NEURL1B: variants seen among roughly 807,000 people sequenced by gnomAD.
The protein encoded by NEURL1B is neuralized E3 ubiquitin protein ligase 1B.
Under a neutral mutation model 37.4 loss-of-function variants are expected in NEURL1B, and 13 were observed. The observed-to-expected ratio is 0.35, with a 90% CI of 0.23 to 0.55. NEURL1B has a LOEUF of 0.55. Ranked by LOEUF, NEURL1B falls within the 20% of genes least tolerant of loss-of-function variation. NEURL1B has a pLI of 0.89. For missense variants in NEURL1B, 790 were observed against 879.2 expected (o/e 0.90, Z 1.28); for synonymous variants, 432 against 426.6 (o/e 1.01, Z -0.16).
intron 1 of NEURL1B, 30 bp from the exon 2 acceptor site, chr5:172,669,755 C>T: frequency 1.6e-6 from 2 of 1,241,724 alleles, no homozygotes; most frequent in Non-Finnish European, 1.0e-6. Context: ...TCGGAGGAGG[C>T]CTAACCGTGC....
Position 172,641,333 on chromosome 5 carries a change from G to A in NEURL1B, c.-74G>A, listed in dbSNP as rs1757453994. On this transcript the variant is annotated 5_prime_UTR_variant, in exon 1 of 5. Transcript: ENST00000369800. This position sits in a 1 kb window ranked among gnomAD's most constrained non-coding sequence, Gnocchi z 6.4. ...CCCCGGAGCGTCGACCCCGGTCCTG[G>A]TCCCTGGCCCGCCGCGTAATTAGCC... 3.8e-6 allele frequency: 5 copies of A among 1,332,990 alleles called. No homozygotes were observed. In the East Asian group the frequency reaches 1.6e-4, roughly 42 times the overall value. 82.6% of individuals were successfully genotyped at this position (1,332,990 alleles called of 1,614,324 possible).
At chr5:172,658,453 A>C (rs1278659569) in intron 1 of NEURL1B, among the ~76,000 whole-genome samples, 3 of 149,224 alleles carry the variant, frequency 2.0e-5, no homozygotes, top group Non-Finnish European at 2.9e-5. Context: ...GGGAGAGAGA[A>C]GAGAAGGCTG....
Position 172,641,597 on chromosome 5 carries a change from C to T in NEURL1B, c.31+160C>T, listed in dbSNP as rs1476670576. On this transcript the variant is annotated intron_variant, in intron 1 of 4. Transcript: ENST00000369800. This position sits in a 1 kb window ranked among gnomAD's most constrained non-coding sequence, Gnocchi z 6.4. ...CCCGGACCTCAGCTCGGCGCGCGCC[C>T]CGCGGCTGGGCTTTGCGCCCCGGGA... Among the ~76,000 whole-genome samples the T allele has an allele frequency of 6.6e-6, 1 of 152,160 alleles. No individual in the cohort carries two copies. The highest frequency in any genetic ancestry group is 6.5e-5 in the Admixed American group (1 of 15,284).
chr5:172,646,721 C>A (rs974067047), intron 1 of NEURL1B, among the ~76,000 whole-genome samples: 1 of 152,072 alleles, frequency 6.6e-6, no homozygotes, highest in Non-Finnish European at 1.5e-5. Context: ...TTGTGAGAGC[C>A]CAGAAGATGC....
At position 172,686,550 on chromosome 5, in the gene NEURL1B, C is replaced by A; in HGVS notation, c.1424-131C>A. ...AAAGGTGCAAAACCTGCAAGGTAAACTCAAATTAGTATCTCCCAAAAGTAT... is the reference window on the plus strand; with the variant it reads ...AAAGGTGCAAAACCTGCAAGGTAAAATCAAATTAGTATCTCCCAAAAGTAT... On this transcript the variant is annotated intron_variant, in intron 4 of 4. Transcript: ENST00000369800. This position sits in a 1 kb window ranked among gnomAD's most constrained non-coding sequence, Gnocchi z 7.9. The A allele has an allele frequency of 8.8e-7, 1 of 1,138,246 alleles. No individual in the cohort carries two copies. The highest frequency in any genetic ancestry group is 1.2e-6 in the Non-Finnish European group (1 of 813,942). The allele number at this position is 1,138,246 out of a possible 1,614,324, so 70.5% of individuals were successfully genotyped here. A position where few individuals can be genotyped will look rare whatever the true frequency, so the allele number is the denominator to read the frequency against.
chr5:172,679,602 A>G (rs959616838), intron 2 of NEURL1B, among the ~76,000 whole-genome samples: 10 of 152,230 alleles, frequency 6.6e-5, no homozygotes, highest in African/African-American at 2.4e-4. Flanking sequence ...CCCATGCCCA[A>G]GAGGAACAAA....
At chr5:172,643,960 T>G (rs1757515433) in intron 1 of NEURL1B, among the ~76,000 whole-genome samples, 1 of 151,948 alleles carries the variant, frequency 6.6e-6, no homozygotes, top group South Asian at 2.1e-4. Context: ...CCCACCAGGC[T>G]TCCTTGGGGT....
At chr5:172,644,823 G>GA (rs983616266) in intron 1 of NEURL1B, among the ~76,000 whole-genome samples, 1 of 152,146 alleles carries the variant, frequency 6.6e-6, no homozygotes, top group Non-Finnish European at 1.5e-5. Flanking sequence ...TTTGAAGGGA[G>GA]AAAAAAAGTG....
In NEURL1B at chr5:172,683,358, G is replaced by A. The variant is rs565018870; in HGVS notation, c.578-61G>A. The A allele has an allele frequency of 2.4e-6, 3 of 1,264,920 alleles. No homozygotes were observed. The highest frequency in any genetic ancestry group is 1.6e-5 in the African/African-American group (1 of 64,278). The allele number at this position is 1,264,920 out of a possible 1,614,324, so 78.4% of individuals were successfully genotyped here. On this transcript the variant is annotated intron_variant, in intron 2 of 4. Coordinates refer to ENST00000369800, the MANE Select transcript of NEURL1B (RefSeq NM_001142651.3). This position sits in a 1 kb window ranked among gnomAD's most constrained non-coding sequence, Gnocchi z 5.6. Reference sequence around the variant, plus strand: ...TGCAGGAGGCAGCGGGCGAGGAGGGGCTCGCGACCAGCCTGACGCGCGGCC... The same window carrying A: ...TGCAGGAGGCAGCGGGCGAGGAGGGACTCGCGACCAGCCTGACGCGCGGCC...
At chr5:172,654,708 G>A (rs528642814) in intron 1 of NEURL1B, among the ~76,000 whole-genome samples, 1 of 152,000 alleles carries the variant, frequency 6.6e-6, no homozygotes, top group Admixed American at 6.6e-5. Context: ...AATGTATTTG[G>A]GCCATCCGCA....
At chr5:172,654,236 G>A (rs891506895) in intron 1 of NEURL1B, among the ~76,000 whole-genome samples, 2 of 152,224 alleles carry the variant, frequency 1.3e-5, no homozygotes, top group African/African-American at 2.4e-5. Flanking sequence ...GTTCCTTCCC[G>A]GTTCTGTAAG....
intron 1 of NEURL1B, among the ~76,000 whole-genome samples, chr5:172,650,825 G>A (rs184641603): frequency 1.7e-4 from 26 of 152,298 alleles, no homozygotes; most frequent in African/African-American, 5.8e-4. Flanking sequence ...GGATTAGACC[G>A]CACAGGCTAA....
intron 1 of NEURL1B, among the ~76,000 whole-genome samples, chr5:172,646,403 C>T (rs992004034): frequency 1.3e-5 from 2 of 152,208 alleles, no homozygotes; most frequent in Non-Finnish European, 2.9e-5. Flanking sequence ...AGTCCCGGCA[C>T]GGGGCTGGCT....
At chr5:172,664,493 G>T (rs1029672509) in intron 1 of NEURL1B, among the ~76,000 whole-genome samples, 1 of 152,084 alleles carries the variant, frequency 6.6e-6, no homozygotes, top group African/African-American at 2.4e-5. Context: ...GCGGGTGGGG[G>T]GGACGGGTAG....
Position 172,683,502 on chromosome 5 carries a change from G to C in NEURL1B, c.661G>C (p.Ala221Pro). ...SACLPPSSHD[A>P]ANFDNNELEN... ...CTGCCTGCCGCCCAGCAGCCACGAC[G>C]CGGCCAACTTCGACAACAACGAGCT... The change falls in exon 3 of 5, where the codon GCG (alanine) becomes CCG (proline). Residue 221 changes from alanine to proline, a missense_variant. This residue lies in a region of NEURL1B where 460 missense variants were observed against 407.4 expected (regional missense o/e 1.13). Coordinates refer to ENST00000369800, the MANE Select transcript of NEURL1B (RefSeq NM_001142651.3). This position sits in a 1 kb window ranked among gnomAD's most constrained non-coding sequence, Gnocchi z 5.6. 6.7e-7 allele frequency: 1 copy of C among 1,503,136 alleles called. No homozygotes were observed. Among genetic ancestry groups the C allele is most frequent in the Non-Finnish European group, 8.8e-7 (1 of 1,131,256 alleles). The allele number at this position is 1,503,136 out of a possible 1,614,324, so 93.1% of individuals were successfully genotyped here.
At position 172,691,314 on chromosome 5, in the gene NEURL1B, C is replaced by G. The variant is rs1019837037; in HGVS notation, c.*4389C>G. The G allele has an allele frequency of 6.6e-5, 10 of 152,110 alleles. No individual in the cohort carries two copies. In the East Asian group the frequency reaches 1.7e-3, roughly 26 times the overall value. 9.4% of individuals were successfully genotyped at this position (152,110 alleles called of 1,614,324 possible). ...TGTGTACAGACCTTTTAAAACATGT[C>G]TTCTTTTTCTGATTCAATACTGTGA... On this transcript the variant is annotated 3_prime_UTR_variant, in exon 5 of 5. Coordinates refer to ENST00000369800, the MANE Select transcript of NEURL1B (RefSeq NM_001142651.3).
chr5:172,670,187 C>T lies in NEURL1B; in HGVS notation c.434C>T (p.Ala145Val). The change falls in exon 2 of 5, where the codon GCC (alanine) becomes GTC (valine). Residue 145 changes from alanine (A) to valine (V), a missense_variant. Ala to Val is a moderately conservative substitution (Grantham distance 64). Transcript: ENST00000369800. ...CTGGCGCTGCGCGACACGGTGCTGG[C>T]CTACTGGGCCGACCGCCACGGCCGC... ...ENLALRDTVL[A>V]YWADRHGRVF... is the part of the protein sequence containing the mutation. The T allele has an allele frequency of 6.8e-7, 1 of 1,471,862 alleles. No homozygotes were observed. The highest frequency in any genetic ancestry group is 9.0e-7 in the Non-Finnish European group (1 of 1,115,450). The allele number at this position is 1,471,862 out of a possible 1,614,324, so 91.2% of individuals were successfully genotyped here.
chr5:172,659,472 G>A (rs1161571413), intron 1 of NEURL1B, among the ~76,000 whole-genome samples: 3 of 152,162 alleles, frequency 2.0e-5, no homozygotes, highest in African/African-American at 7.2e-5. Flanking sequence ...AGAAGCAGGC[G>A]CTGAGGGGCA....
chr5:172,653,111 AGTG>A (rs1757699813), intron 1 of NEURL1B, among the ~76,000 whole-genome samples: 1 of 152,132 alleles, frequency 6.6e-6, no homozygotes, highest in Admixed American at 6.5e-5. Context: ...AAATTCTAGG[AGTG>A]GTACATGTGC....
Sources: gnomAD v4.1 joint callset for allele counts (sites outside exome capture counted in the v4.1 genomes callset) on GRCh38, gnomAD v4.1.1 for gene constraint, gnomAD v4.1.1 regional missense constraint, Gnocchi (gnomAD v3.1) non-coding constraint, MANE v1.5 for transcripts, NCBI Gene and HGNC (gene_info 2026-07-23, HGNC 2026-07-21) for gene names.